Variants in ASRGL1 observed in about 807,000 individuals in gnomAD.
The protein encoded by ASRGL1 is isoaspartyl peptidase/L-asparaginase.
Under a neutral mutation model 22.4 loss-of-function variants are expected in ASRGL1, and 16 were observed. The observed-to-expected ratio is 0.71, with a 90% CI of 0.48 to 1.08. ASRGL1 has a LOEUF of 1.08. ASRGL1 is among the 50% of genes least tolerant of loss of function. The pLI is 0.00. For synonymous variants in ASRGL1, 165 were observed against 159.3 expected, an observed-to-expected ratio of 1.04 and a Z score of -0.27; for missense variants, 412 against 410.1, an observed-to-expected ratio of 1.00 and a Z score of -0.04.
downstream of ASRGL1, among the ~76,000 whole-genome samples, chr11:62,398,158 G>A (rs1346876266): frequency 4.6e-5 from 7 of 152,182 alleles, no homozygotes; most frequent in Non-Finnish European, 7.4e-5. Flanking sequence ...GGTTTGGAAA[G>A]GGAAATATGG....
intron 4 of ASRGL1, among the ~76,000 whole-genome samples, chr11:62,363,249 A>T (rs1350357847): frequency 6.6e-6 from 1 of 151,812 alleles, no homozygotes; most frequent in Admixed American, 6.6e-5. Context: ...AATTTTTTTT[A>T]AGTTTATAGA....
chr11:62,376,472 C>T (rs557942284), intron 4 of ASRGL1, among the ~76,000 whole-genome samples: 9 of 152,258 alleles, frequency 5.9e-5, no homozygotes, highest in Non-Finnish European at 1.3e-4. Flanking sequence ...TTCCCTATTT[C>T]CCATGTCTTA....
At chr11:62,373,131 G>A in intron 4 of ASRGL1, 1 of 1,452,562 alleles carries the variant, frequency 6.9e-7, no homozygotes. Flanking sequence ...AACTGAGAAA[G>A]AAAAGATCAA....
At chr11:62,339,672 A>G (rs1945817807) in intron 2 of ASRGL1, among the ~76,000 whole-genome samples, 1 of 152,240 alleles carries the variant, frequency 6.6e-6, no homozygotes, top group Non-Finnish European at 1.5e-5. Flanking sequence ...TTCACTTATG[A>G]GTTAATCACT....
At chr11:62,339,747 A>T in intron 2 of ASRGL1, among the ~76,000 whole-genome samples, 1 of 152,202 alleles carries the variant, frequency 6.6e-6, no homozygotes, top group East Asian at 1.9e-4. Flanking sequence ...CATTTCTCAG[A>T]TCAGACTAAG....
chr11:62,337,742 C>A (rs1283538364), intron 1 of ASRGL1, 148 bp from the exon 2 acceptor site: 3 of 444,822 alleles, frequency 6.7e-6, no homozygotes, highest in Non-Finnish European at 1.2e-5. Context: ...AACTGAGACC[C>A]CCAGCAGGTC....
chr11:62,400,118 A>G, the ASRGL1 span, among the ~76,000 whole-genome samples: 1 of 152,144 alleles, frequency 6.6e-6, no homozygotes, highest in Admixed American at 6.5e-5. Flanking sequence ...CCGACTTTCA[A>G]GGCCCCATAG....
chr11:62,393,727 T>C (rs1366788225), downstream of ASRGL1, among the ~76,000 whole-genome samples: 1 of 151,974 alleles, frequency 6.6e-6, no homozygotes, highest in Admixed American at 6.6e-5. Context: ...TATTAGGAGG[T>C]GTATTAGTTG....
At chr11:62,341,048 T>A (rs1945850346) in intron 2 of ASRGL1, among the ~76,000 whole-genome samples, 1 of 152,224 alleles carries the variant, frequency 6.6e-6, no homozygotes, top group South Asian at 2.1e-4. Flanking sequence ...TAAATTTGAA[T>A]GCTAGGAATA....
At chr11:62,372,517 T>A in intron 4 of ASRGL1, 1 of 1,074,754 alleles carries the variant, frequency 9.3e-7, no homozygotes, top group Non-Finnish European at 1.5e-6. Context: ...GCAGATAGAG[T>A]ATGACTGCAA....
intron 4 of ASRGL1, among the ~76,000 whole-genome samples, chr11:62,384,926 A>C (rs971315436): frequency 1.1e-4 from 16 of 147,004 alleles, no homozygotes; most frequent in Non-Finnish European, 1.9e-4. Flanking sequence ...AAAAAAAAAA[A>C]AAAAGTTCAC....
chr11:62,382,471 G>A (rs527775884), intron 4 of ASRGL1: 9 of 152,092 alleles, frequency 5.9e-5, no homozygotes, highest in African/African-American at 9.6e-5. Context: ...CAGTATTGTC[G>A]CTAGCACCTC....
rs1400426836 is a variant in ASRGL1 at position 62,358,099 on chromosome 11, TG to T, written c.491+957del. On this transcript the variant is annotated intron_variant, in intron 4 of 6. Coordinates refer to ENST00000415229, the MANE Select transcript of ASRGL1 (RefSeq NM_001083926.2). ...AAAGATTGGCCTTGGCCGGGTGCGGTGGCTCACACCTGTAATCCCAGCACTT... is the reference window on the plus strand; with the variant it reads ...AAAGATTGGCCTTGGCCGGGTGCGGTGCTCACACCTGTAATCCCAGCACTT... 1.2e-4 allele frequency among the ~76,000 whole-genome samples: 19 copies of T among 152,336 alleles called. No homozygotes were observed. In the South Asian group the frequency reaches 3.5e-3, roughly 28 times the overall value.
chr11:62,387,207 A>G (rs1947237800), intron 4 of ASRGL1, among the ~76,000 whole-genome samples: 1 of 151,982 alleles, frequency 6.6e-6, no homozygotes, highest in Non-Finnish European at 1.5e-5. Flanking sequence ...CTGGCCAAGA[A>G]TGATTATTTT....
At chr11:62,342,220 G>A (rs189617605) in intron 2 of ASRGL1, among the ~76,000 whole-genome samples, 14 of 152,300 alleles carry the variant, frequency 9.2e-5, no homozygotes, top group Non-Finnish European at 1.8e-4. Context: ...GTAACTTGTG[G>A]GATGCTGAGA....
chr11:62,346,985 A>G (rs887766555), intron 2 of ASRGL1, among the ~76,000 whole-genome samples: 1 of 151,664 alleles, frequency 6.6e-6, no homozygotes, highest in Non-Finnish European at 1.5e-5. Flanking sequence ...AAAAAAAAAG[A>G]AAAATAACGT....
chr11:62,354,410 C>T (rs1946231600), intron 2 of ASRGL1, among the ~76,000 whole-genome samples: 1 of 151,950 alleles, frequency 6.6e-6, no homozygotes, highest in Admixed American at 6.6e-5. Flanking sequence ...TTCATACATA[C>T]ATATGATAAA....
rs750731354 is a variant in ASRGL1, at chr11:62,392,082, A to G, written c.725A>G (p.Lys242Arg). Residue 242 changes from lysine (K) to arginine (R), a missense_variant, in exon 7 of 7, where the codon AAG becomes AGG. Coordinates refer to ENST00000415229, the MANE Select transcript of ASRGL1 (RefSeq NM_001083926.2). ...CTCAACCCTTCCTTGTTTTCAGGAA[A>G]GACGGTAGAAGAGGCTGCGGACCTA... ...RLTLFHIEQG[K>R]TVEEAADLSL... 48 of 1,614,034 alleles carry G rather than the reference A, an allele frequency of 3.0e-5. No homozygotes were observed. The highest frequency in any genetic ancestry group is 4.0e-5 in the Non-Finnish European group (47 of 1,179,988).
chr11:62,381,299 A>C (rs1344300921), intron 4 of ASRGL1, among the ~76,000 whole-genome samples: 1 of 152,144 alleles, frequency 6.6e-6, no homozygotes, highest in Non-Finnish European at 1.5e-5. Flanking sequence ...TTTTTCTTCT[A>C]ATTCTAATGC....
Sources: allele counts gnomAD v4.1 joint callset (sites outside exome capture counted in the v4.1 genomes callset), GRCh38; gene constraint gnomAD v4.1.1; transcripts MANE v1.5; gene names NCBI Gene and HGNC (gene_info 2026-07-23, HGNC 2026-07-21).